DOCK3: variants seen among roughly 807,000 people sequenced by gnomAD.
DOCK3 encodes the protein dedicator of cytokinesis 3, also known as dedicator of cytokinesis protein 3.
In DOCK3, 60 loss-of-function variants were observed where a neutral mutation model predicts 265.6. The ratio of observed to expected loss-of-function variants is 0.23; its 90% CI spans 0.18 to 0.28. The LOEUF (loss-of-function observed/expected upper bound fraction) is 0.28. DOCK3 is among the 10% of genes least tolerant of loss of function. The pLI is 1.00. For synonymous variants in DOCK3, 881 were observed against 938.0 expected, an observed-to-expected ratio of 0.94 and a Z score of 1.11; for missense variants, 1,981 against 2,594.3, an observed-to-expected ratio of 0.76 and a Z score of 5.14.
chr3:51,348,928 G>T lies in DOCK3; in HGVS notation c.3992G>T (p.Ser1331Ile). 1 of 1,571,586 alleles carries T rather than the reference G, an allele frequency of 6.4e-7. No individual in the cohort carries two copies. Among genetic ancestry groups the T allele is most frequent in the South Asian group, 1.2e-5 (1 of 85,346 alleles). Residue 1331 changes from serine (S) to isoleucine (I), a missense_variant, in exon 39 of 53, where the codon AGC becomes ATC. Ser to Ile is a moderately radical substitution (Grantham distance 142). Transcript: ENST00000266037. Reference protein sequence around the residue: ...YESLYDYQSLSWIRKMEASYY... With the variant: ...YESLYDYQSLIWIRKMEASYY... ...AGCCTCTATGATTACCAGAGCCTCA[G>T]CTGGATTCGGGTGAGCTGTGCCCCT...
intron 4 of DOCK3, among the ~76,000 whole-genome samples, chr3:50,907,265 A>C (rs2049570524): frequency 6.6e-6 from 1 of 152,102 alleles, no homozygotes; most frequent in Admixed American, 6.5e-5. Context: ...GATGTCTATT[A>C]AGTCTGCTTG....
intron 1 of DOCK3, among the ~76,000 whole-genome samples, chr3:50,686,725 A>G (rs1019466872): frequency 3.3e-5 from 5 of 152,078 alleles, no homozygotes; most frequent in East Asian, 1.9e-4. Flanking sequence ...CCTGGCCATC[A>G]TGGTGAAACC....
In DOCK3 at chr3:50,860,429, A is replaced by G. The variant is rs370770074; in HGVS notation, c.162+18714A>G. On this transcript the variant is annotated intron_variant, in intron 3 of 52. Transcript: ENST00000266037. ...CCTGGAGGACTTACCCAGTGAGGAG[A>G]TATGGGAACAGGTACTCATACAATA... 3.4e-4 allele frequency among the ~76,000 whole-genome samples: 51 copies of G among 152,004 alleles called. 2 individuals are homozygous for G. In the South Asian group the frequency reaches 7.9e-3, roughly 24 times the overall value.
At chr3:51,360,693 C>A in intron 47 of DOCK3, 61 bp downstream of exon 47, 1 of 1,604,414 alleles carries the variant, frequency 6.2e-7, no homozygotes, top group Non-Finnish European at 8.5e-7. Flanking sequence ...TGTCAAGGGT[C>A]AGAGGAAAGA....
intron 33 of DOCK3, among the ~76,000 whole-genome samples, chr3:51,331,044 A>G (rs1457938073): frequency 2.0e-5 from 3 of 152,164 alleles, no homozygotes; most frequent in Non-Finnish European, 4.4e-5. Context: ...TTCTTACCTT[A>G]TTTGATCATC....
chr3:51,085,369 A>G (rs1360778050), intron 7 of DOCK3, among the ~76,000 whole-genome samples: 1 of 152,152 alleles, frequency 6.6e-6, no homozygotes, highest in Non-Finnish European at 1.5e-5. Context: ...TAGAGCACAT[A>G]TTTTTCTCAT....
intron 3 of DOCK3, among the ~76,000 whole-genome samples, chr3:50,878,464 C>T (rs1016244407): frequency 2.0e-5 from 3 of 152,040 alleles, no homozygotes; most frequent in East Asian, 3.9e-4. Flanking sequence ...AACCATGGCA[C>T]GAGAACGATG....
intron 32 of DOCK3, among the ~76,000 whole-genome samples, chr3:51,328,608 A>T (rs1353969450): frequency 6.6e-6 from 1 of 151,736 alleles, no homozygotes; most frequent in African/African-American, 2.4e-5. Flanking sequence ...CACTATTAAA[A>T]AAAAAAAAAA....
chr3:51,076,382 C>T (rs1380008951), intron 7 of DOCK3, among the ~76,000 whole-genome samples: 2 of 152,146 alleles, frequency 1.3e-5, no homozygotes, highest in African/African-American at 4.8e-5. Flanking sequence ...GATAGGATCG[C>T]TTGAGCTCAG....
intron 5 of DOCK3, among the ~76,000 whole-genome samples, chr3:50,937,549 G>A (rs963408757): frequency 3.9e-5 from 6 of 152,034 alleles, no homozygotes; most frequent in South Asian, 2.1e-4. Context: ...CAAGCTACTC[G>A]AGAGGCTGAG....
At chr3:51,209,000 TTC>T (rs2089367560) in intron 13 of DOCK3, 138 bp downstream of exon 13, 1 of 728,374 alleles carries the variant, frequency 1.4e-6, no homozygotes, top group Non-Finnish European at 2.2e-6. Flanking sequence ...TTCCTACTCA[TTC>T]TTTTTGTAAT....
chr3:50,959,974 C>CT (rs1433904200), intron 5 of DOCK3, among the ~76,000 whole-genome samples: 1 of 152,176 alleles, frequency 6.6e-6, no homozygotes, highest in African/African-American at 2.4e-5. Flanking sequence ...ATAATGTCCT[C>CT]TAGGTTCATC....
chr3:51,305,343 A>G (rs1248660683), intron 27 of DOCK3, among the ~76,000 whole-genome samples: 1 of 152,090 alleles, frequency 6.6e-6, no homozygotes, highest in African/African-American at 2.4e-5. Flanking sequence ...TTTTGTCTTA[A>G]TGTCTATATT....
chr3:50,700,150 G>A (rs1052948959), intron 1 of DOCK3, among the ~76,000 whole-genome samples: 7 of 152,082 alleles, frequency 4.6e-5, no homozygotes, highest in African/African-American at 1.2e-4. Context: ...GTAGTGGTGC[G>A]TGCCTCTAAT....
chr3:50,687,989 C>G (rs1576096504), intron 1 of DOCK3, among the ~76,000 whole-genome samples: 1 of 152,172 alleles, frequency 6.6e-6, no homozygotes, highest in South Asian at 2.1e-4. Flanking sequence ...GTGACTCAAT[C>G]CTCTCTTACA....
intron 21 of DOCK3, among the ~76,000 whole-genome samples, chr3:51,245,293 C>T (rs1192139519): frequency 2.0e-5 from 3 of 151,808 alleles, no homozygotes; most frequent in African/African-American, 7.3e-5. Context: ...GCCGAGGTCG[C>T]GTCACTGCAC....
At chr3:51,179,516 G>A (rs947912623) in intron 12 of DOCK3, among the ~76,000 whole-genome samples, 1 of 152,118 alleles carries the variant, frequency 6.6e-6, no homozygotes, top group Admixed American at 6.6e-5. Flanking sequence ...CCCTAGCTGA[G>A]ATCAAAACAA....
At chr3:50,835,287 CA>C (rs2045438965) in intron 2 of DOCK3, among the ~76,000 whole-genome samples, 1 of 151,988 alleles carries the variant, frequency 6.6e-6, no homozygotes, top group Non-Finnish European at 1.5e-5. Context: ...ACCTTGCATG[CA>C]AAACTGTTTT....
At chr3:50,905,387 T>A (rs1199786484) in intron 4 of DOCK3, among the ~76,000 whole-genome samples, 1 of 152,084 alleles carries the variant, frequency 6.6e-6, no homozygotes, top group African/African-American at 2.4e-5. Context: ...CTTCTTCCTA[T>A]CCATGAGCAT....
Sources: gnomAD v4.1 joint callset for allele counts (sites outside exome capture counted in the v4.1 genomes callset) on GRCh38, gnomAD v4.1.1 for gene constraint, MANE v1.5 for transcripts, NCBI Gene and HGNC (gene_info 2026-07-23, HGNC 2026-07-21) for gene names.